PIK3C3: variants seen among roughly 807,000 people sequenced by gnomAD.
PIK3C3 encodes PI3-kinase type 3.
Under a neutral mutation model 126.1 loss-of-function variants are expected in PIK3C3, and 95 were observed. The ratio of observed to expected loss-of-function variants is 0.75; its 90% CI spans 0.64 to 0.89. The LOEUF (loss-of-function observed/expected upper bound fraction) is 0.89. Ranked by LOEUF, PIK3C3 falls within the 40% of genes least tolerant of loss-of-function variation. The pLI is 0.00. For missense variants in PIK3C3, 829 were observed against 1,063.2 expected, an observed-to-expected ratio of 0.78 and a Z score of 3.06; for synonymous variants, 374 against 360.0, an observed-to-expected ratio of 1.04 and a Z score of -0.44.
intron 10 of PIK3C3, among the ~76,000 whole-genome samples, chr18:42,007,748 T>A (rs762830512): frequency 2.0e-5 from 3 of 152,250 alleles, no homozygotes; most frequent in Non-Finnish European, 2.9e-5. Context: ...TTGCTTCTTA[T>A]ATTTTGTAGG....
At chr18:42,011,453 CT>C (rs1343546319) in intron 10 of PIK3C3, among the ~76,000 whole-genome samples, 1 of 152,162 alleles carries the variant, frequency 6.6e-6, no homozygotes, top group Non-Finnish European at 1.5e-5. Flanking sequence ...TAACTTCCAA[CT>C]TTTCTTTTGC....
intron 21 of PIK3C3, chr18:42,049,827 G>T (rs1392278336): frequency 1.1e-5 from 4 of 363,938 alleles, no homozygotes; most frequent in Non-Finnish European, 2.1e-5. Flanking sequence ...CACAAAATTT[G>T]CCGGGCGTGG....
intron 22 of PIK3C3, among the ~76,000 whole-genome samples, chr18:42,062,474 A>G (rs942324142): frequency 6.6e-6 from 1 of 152,000 alleles, no homozygotes; most frequent in African/African-American, 2.4e-5. Context: ...CTCATCAGCT[A>G]TCATTAGTGT....
intron 4 of PIK3C3, among the ~76,000 whole-genome samples, chr18:41,984,453 TA>T (rs1056742314): frequency 3.3e-5 from 5 of 151,902 alleles, no homozygotes; most frequent in South Asian, 4.1e-4. Flanking sequence ...ATAAAATTAA[TA>T]AAAAAATTTA....
chr18:42,066,654 A>G (rs899792717), intron 23 of PIK3C3, among the ~76,000 whole-genome samples: 2 of 152,212 alleles, frequency 1.3e-5, no homozygotes, highest in African/African-American at 2.4e-5. Context: ...AATATTTGGC[A>G]TGGCATTTTG....
chr18:42,040,949 A>G (rs149912424), intron 19 of PIK3C3, among the ~76,000 whole-genome samples: 2 of 152,224 alleles, frequency 1.3e-5, no homozygotes, highest in African/African-American at 4.8e-5. Flanking sequence ...TGAACAGTGC[A>G]TTGCATATCA....
intron 14 of PIK3C3, among the ~76,000 whole-genome samples, chr18:42,028,546 C>A (rs981651275): frequency 6.6e-6 from 1 of 152,176 alleles, no homozygotes; most frequent in African/African-American, 2.4e-5. Context: ...AAATTTAAAT[C>A]ACATCTTATT....
chr18:41,991,372 TA>T (rs1019714099), intron 6 of PIK3C3, among the ~76,000 whole-genome samples: 95 of 151,144 alleles, frequency 6.3e-4, no homozygotes, highest in African/African-American at 1.9e-3. Context: ...AAAATAAATA[TA>T]AAAAAAAATG....
chr18:42,003,804 A>T (rs942000564), intron 9 of PIK3C3, among the ~76,000 whole-genome samples: 1 of 152,152 alleles, frequency 6.6e-6, no homozygotes, highest in South Asian at 2.1e-4. Flanking sequence ...TGGATTGCCT[A>T]TCTTTTTAAG....
intron 13 of PIK3C3, among the ~76,000 whole-genome samples, chr18:42,023,251 T>A (rs1733637385): frequency 6.6e-6 from 1 of 152,212 alleles, no homozygotes; most frequent in South Asian, 2.1e-4. Context: ...TCTTTGTGTT[T>A]GATTGAAGAC....
Position 42,004,521 on chromosome 18 carries a change from T to A in PIK3C3, c.1150T>A (p.Leu384Met). ...TGTGAGGCGTTATGCTGTTGCCCGG[T>A]TGCGACAGGCCGATGATGAGGTGCA... ...PTVRRYAVAR[L>M]RQADDEDLLM... is the part of the protein sequence containing the mutation. The change falls in exon 10 of 25, where the codon TTG (leucine) becomes ATG (methionine). Residue 384 changes from leucine to methionine, a missense_variant. Leu to Met is a conservative substitution (Grantham distance 15). Transcript: ENST00000262039. 6.3e-7 allele frequency: 1 copy of A among 1,594,670 alleles called. No homozygotes were observed. Among genetic ancestry groups the A allele is most frequent in the Non-Finnish European group, 8.5e-7 (1 of 1,174,878 alleles).
At chr18:41,960,750 C>CT (rs796506046) in intron 2 of PIK3C3, among the ~76,000 whole-genome samples, 4,956 of 145,612 alleles carry the variant, frequency 0.034, 223 homozygotes, top group African/African-American at 0.11. Context: ...TTTCTTTTTT[C>CT]TTTTTTTTTT....
chr18:41,974,602 T>A (rs1980824548), intron 4 of PIK3C3, among the ~76,000 whole-genome samples: 1 of 149,650 alleles, frequency 6.7e-6, no homozygotes, highest in East Asian at 2.0e-4. Context: ...GTTTCCCTAA[T>A]TAATTTTTAG....
chr18:41,957,712 G>A lies in PIK3C3; in HGVS notation c.211G>A (p.Ala71Thr). 6.2e-7 allele frequency: 1 copy of A among 1,613,354 alleles called. No homozygotes were observed. The highest frequency in any genetic ancestry group is 8.5e-7 in the Non-Finnish European group (1 of 1,179,754). Residue 71 changes from alanine (A) to threonine (T), a missense_variant, in exon 2 of 25, where the codon GCC becomes ACC. By Grantham distance (58) the Ala-to-Thr change is moderately conservative. Transcript: ENST00000262039. Reference sequence around the variant, plus strand: ...AGTTTTTGCAGAAGGGAAGCCTTTGGCCTTGCCAGTGAGAACATCCTACAA... The same window carrying A: ...AGTTTTTGCAGAAGGGAAGCCTTTGACCTTGCCAGTGAGAACATCCTACAA... ...CQVFAEGKPL[A>T]LPVRTSYKAF...
intron 3 of PIK3C3, among the ~76,000 whole-genome samples, chr18:41,967,954 C>T (rs371420194): frequency 6.6e-6 from 1 of 152,192 alleles, no homozygotes; most frequent in African/African-American, 2.4e-5. Context: ...GGCTTAATTT[C>T]CCAAGTGGAC....
chr18:42,057,840 T>TAAAG, intron 21 of PIK3C3, 43 bp from the exon 22 acceptor site: 2 of 1,588,186 alleles, frequency 1.3e-6, no homozygotes, highest in Non-Finnish European at 1.7e-6. Context: ...CCCAGTTCTT[T>TAAAG]AAGATAATTC....
At chr18:42,035,302 A>G (rs1984000206) in intron 16 of PIK3C3, among the ~76,000 whole-genome samples, 1 of 152,158 alleles carries the variant, frequency 6.6e-6, no homozygotes, top group Non-Finnish European at 1.5e-5. Flanking sequence ...CTTGAACACT[A>G]AGGACTCATC....
intron 9 of PIK3C3, among the ~76,000 whole-genome samples, chr18:42,003,285 G>A (rs1183895858): frequency 6.6e-6 from 1 of 152,174 alleles, no homozygotes; most frequent in Non-Finnish European, 1.5e-5. Context: ...GGGCAGAGCA[G>A]GGGTCTTAAC....
chr18:41,957,783 AT>A lies in PIK3C3; in HGVS notation c.257+26del, dbSNP rs767185810. 56 of 1,577,000 alleles carry A rather than the reference AT, an allele frequency of 3.6e-5. No homozygotes were observed. The East Asian group carries it at 9.2e-4, about 26-fold the overall frequency. ...AGTAAGTTTTTTTGTGGCATATGGT[AT>A]GTTACAGACTGTTCTTACCTTTCTT... is the stretch of plus-strand genomic sequence containing the variant. On this transcript the variant is annotated intron_variant, in intron 2 of 24. Transcript: ENST00000262039.
Sources: gnomAD v4.1 joint callset for allele counts (sites outside exome capture counted in the v4.1 genomes callset) on GRCh38, gnomAD v4.1.1 for gene constraint, MANE v1.5 for transcripts, NCBI Gene and HGNC (gene_info 2026-07-23, HGNC 2026-07-21) for gene names.